The following SFRP1 variants were observed in gnomAD, a reference collection of about 807,000 sequenced individuals.
The protein encoded by SFRP1 is secreted frizzled related protein 1.
Under a neutral mutation model 25.9 loss-of-function variants are expected in SFRP1, and 9 were observed. The observed-to-expected ratio is 0.35, with a 90% CI of 0.21 to 0.61. The LOEUF is 0.61. SFRP1 is among the 20% of genes least tolerant of loss of function. The pLI, the probability that SFRP1 is intolerant of heterozygous loss-of-function variation, is 0.78. For synonymous variants in SFRP1, 178 were observed against 174.0 expected, an observed-to-expected ratio of 1.02 and a Z score of -0.18; for missense variants, 346 against 418.2, an observed-to-expected ratio of 0.83 and a Z score of 1.51.
intron 2 of SFRP1, among the ~76,000 whole-genome samples, chr8:41,296,490 G>A (rs1803845080): frequency 6.7e-6 from 1 of 148,298 alleles, no homozygotes; most frequent in Admixed American, 6.8e-5. Flanking sequence ...CATTTCTTTG[G>A]CCATTTGTTC....
intron 2 of SFRP1, among the ~76,000 whole-genome samples, chr8:41,271,880 G>A (rs1803513508): frequency 6.6e-6 from 1 of 152,016 alleles, no homozygotes; most frequent in African/African-American, 2.4e-5. Flanking sequence ...GAGAAGATCA[G>A]CTGAGTCTGG....
chr8:41,267,569 TTAACCTGAAC>T (rs1803452978), intron 2 of SFRP1, among the ~76,000 whole-genome samples: 1 of 152,204 alleles, frequency 6.6e-6, no homozygotes, highest in African/African-American at 2.4e-5. Context: ...AGGAAAGTCT[TTAACCTGAAC>T]TAAATCACAG....
chr8:41,301,935 C>T (rs531717706), intron 2 of SFRP1, among the ~76,000 whole-genome samples: 100 of 152,340 alleles, frequency 6.6e-4, no homozygotes, highest in African/African-American at 2.3e-3. Context: ...GCCCTCTAGA[C>T]CCCTGCCCTA....
At chr8:41,295,507 C>T (rs1360951547) in intron 2 of SFRP1, among the ~76,000 whole-genome samples, 2 of 147,982 alleles carry the variant, frequency 1.4e-5, no homozygotes, top group Admixed American at 6.7e-5. Context: ...CCAGCCTCAG[C>T]GACAAGAGCA....
chr8:41,283,452 A>T (rs539284505), intron 2 of SFRP1, among the ~76,000 whole-genome samples: 3 of 152,076 alleles, frequency 2.0e-5, no homozygotes, highest in Non-Finnish European at 4.4e-5. Flanking sequence ...CATGCTCAAG[A>T]TTTACTTAAA....
chr8:41,268,182 T>A (rs1438642722), intron 2 of SFRP1, among the ~76,000 whole-genome samples: 2 of 152,194 alleles, frequency 1.3e-5, no homozygotes, highest in African/African-American at 4.8e-5. Flanking sequence ...ATGGGATATG[T>A]CTATCTACGA....
At chr8:41,276,252 T>C (rs1056617372) in intron 2 of SFRP1, among the ~76,000 whole-genome samples, 1 of 152,182 alleles carries the variant, frequency 6.6e-6, no homozygotes, top group African/African-American at 2.4e-5. Flanking sequence ...ATCACACATG[T>C]CTTGGGTAAC....
rs1803416169 is a variant in SFRP1, at chr8:41,264,993, G to A, written c.*174C>T. 1.7e-6 allele frequency: 1 copy of A among 596,474 alleles called. No individual in the cohort carries two copies. 36.9% of individuals were successfully genotyped at this position (596,474 alleles called of 1,614,324 possible). A position where few individuals can be genotyped will look rare whatever the true frequency, so the allele number is the denominator to read the frequency against. ...CCGGCCATGGCTACCCTGGGGTTTG[G>A]AGCGTGGCTATGGAGGGAAGGGAGC... On this transcript the variant is annotated 3_prime_UTR_variant, in exon 3 of 3. Transcript: ENST00000220772.
At chr8:41,287,800 T>G (rs1325951892) in intron 2 of SFRP1, among the ~76,000 whole-genome samples, 1 of 152,234 alleles carries the variant, frequency 6.6e-6, no homozygotes, top group Admixed American at 6.5e-5. Context: ...AAGTGCAGCA[T>G]GTGTCACAAA....
chr8:41,300,832 G>A (rs893951743), intron 2 of SFRP1, among the ~76,000 whole-genome samples: 6 of 152,190 alleles, frequency 3.9e-5, no homozygotes, highest in Non-Finnish European at 8.8e-5. Flanking sequence ...TGTTCGATGC[G>A]GTGACTTTGC....
chr8:41,308,718 C>G lies in SFRP1; in HGVS notation c.442G>C (p.Gly148Arg), dbSNP rs1563369238. 2.5e-6 allele frequency: 4 copies of G among 1,610,944 alleles called. No individual in the cohort carries two copies. Among genetic ancestry groups the G allele is most frequent in the Non-Finnish European group, 3.4e-6 (4 of 1,178,664 alleles). ...TTAAGCATCTCGGGCCAGTAGAAGC[C>G]GAAGAACTGCATGACCGGCTCGCAC... ...DSCEPVMQFF[G>R]FYWPEMLKCD... is the part of the protein sequence containing the mutation. The change falls in exon 1 of 3, where the codon GGC becomes CGC. Residue 148 changes from glycine to arginine, a missense_variant. Physicochemically the swap from Gly to Arg is moderately radical, Grantham distance 125 (BLOSUM62 -2). Coordinates refer to ENST00000220772, the MANE Select transcript of SFRP1 (RefSeq NM_003012.5).
At chr8:41,290,802 C>T (rs560223651) in intron 2 of SFRP1, among the ~76,000 whole-genome samples, 1 of 150,816 alleles carries the variant, frequency 6.6e-6, no homozygotes, top group South Asian at 2.1e-4. Context: ...CAAAATGTCT[C>T]ACCACTGATG....
chr8:41,286,577 G>A (rs947551987), intron 2 of SFRP1, among the ~76,000 whole-genome samples: 12 of 152,106 alleles, frequency 7.9e-5, no homozygotes, highest in East Asian at 3.9e-4. Flanking sequence ...CTGCAGGTCC[G>A]TTCCCAAAGA....
chr8:41,282,886 A>G (rs1490242241), intron 2 of SFRP1, among the ~76,000 whole-genome samples: 1 of 152,184 alleles, frequency 6.6e-6, no homozygotes, highest in Non-Finnish European at 1.5e-5. Context: ...AAGCAAATAA[A>G]GTTTTTTTGC....
At chr8:41,299,437 G>A (rs1409709764) in intron 2 of SFRP1, among the ~76,000 whole-genome samples, 4 of 137,142 alleles carry the variant, frequency 2.9e-5, no homozygotes, top group African/African-American at 1.1e-4. Context: ...AGGGCATGTA[G>A]TTTTCCTTGA....
intron 2 of SFRP1, among the ~76,000 whole-genome samples, chr8:41,290,269 A>G (rs972738384): frequency 7.9e-5 from 12 of 152,280 alleles, no homozygotes; most frequent in African/African-American, 2.4e-4. Flanking sequence ...CACAAACCAC[A>G]CATGCACCTC....
chr8:41,279,815 C>T (rs148223775), intron 2 of SFRP1, among the ~76,000 whole-genome samples: 69 of 152,096 alleles, frequency 4.5e-4, no homozygotes, highest in African/African-American at 1.6e-3. Flanking sequence ...CCTTCATCCT[C>T]GCCATCACAT....
intron 2 of SFRP1, 30 bp downstream of exon 2, chr8:41,303,430 CT>C: frequency 6.4e-7 from 1 of 1,574,744 alleles, no homozygotes; most frequent in Non-Finnish European, 8.7e-7. Flanking sequence ...GGTTCCAAAC[CT>C]TCCAGAGGCA....
chr8:41,268,478 C>T (rs144008917), intron 2 of SFRP1, among the ~76,000 whole-genome samples: 163 of 152,274 alleles, frequency 1.1e-3, no homozygotes, highest in African/African-American at 3.8e-3. Context: ...TTGCCATGAC[C>T]GTGTAAAGGA....
Sources: allele counts gnomAD v4.1 joint callset (sites outside exome capture counted in the v4.1 genomes callset), GRCh38; gene constraint gnomAD v4.1.1; transcripts MANE v1.5; gene names NCBI Gene and HGNC (gene_info 2026-07-23, HGNC 2026-07-21).